The following CWF19L2 variants were observed in gnomAD, a reference collection of about 807,000 sequenced individuals.
The protein encoded by CWF19L2 is CWF19-like protein 2.
A neutral mutation model predicts 111.7 loss-of-function variants in CWF19L2; 98 were observed. That is an observed-to-expected ratio of 0.88 (90% CI 0.75 to 1.04). CWF19L2 has a LOEUF of 1.04. Among genes scored for constraint, CWF19L2 ranks in the 50% least tolerant of loss-of-function variants. The probability of loss-of-function intolerance (pLI) is 0.00; values close to 1 mark genes in which losing one functional copy is unlikely to be tolerated. For missense variants in CWF19L2, 1,101 were observed against 1,051.4 expected (o/e 1.05, Z -0.65); for synonymous variants, 351 against 342.9 (o/e 1.02, Z -0.26).
intron 14 of CWF19L2, among the ~76,000 whole-genome samples, chr11:107,341,688 A>G (rs1860007297): frequency 6.6e-6 from 1 of 152,182 alleles, no homozygotes; most frequent in South Asian, 2.1e-4. Flanking sequence ...TAAAAGTTTC[A>G]TAAAATTCTC....
At chr11:107,344,095 G>A (rs555124521) in intron 14 of CWF19L2, among the ~76,000 whole-genome samples, 96 of 152,136 alleles carry the variant, frequency 6.3e-4, no homozygotes, top group Non-Finnish European at 1.0e-3. Flanking sequence ...TGCCTGTAGT[G>A]CCAGCTACTC....
rs374576716 is a variant in CWF19L2 at position 107,328,320 on chromosome 11, T to C, written c.2542-1267A>G. Reference sequence around the variant, plus strand: ...TCAGCATCGGTCCAAATAAGCAATGTAGTTTAAGAAAGCCTAGCTTATAAA... The same window carrying C: ...TCAGCATCGGTCCAAATAAGCAATGCAGTTTAAGAAAGCCTAGCTTATAAA... On this transcript the variant is annotated intron_variant, in intron 17 of 17. Coordinates refer to ENST00000282251, the MANE Select transcript of CWF19L2 (RefSeq NM_152434.3). Among the ~76,000 whole-genome samples the C allele has an allele frequency of 2.1e-3, 319 of 152,268 alleles. 1 individual carries two copies. Among genetic ancestry groups the C allele is most frequent in the African/African-American group, 6.5e-3 (270 of 41,562 alleles).
At chr11:107,335,641 T>C (rs1055554162) in intron 15 of CWF19L2, among the ~76,000 whole-genome samples, 2 of 152,096 alleles carry the variant, frequency 1.3e-5, no homozygotes, top group African/African-American at 2.4e-5. Context: ...AGGGAGAAAA[T>C]ACATAGAAAT....
intron 12 of CWF19L2, among the ~76,000 whole-genome samples, chr11:107,379,971 G>T (rs941736463): frequency 2.2e-5 from 3 of 137,542 alleles, no homozygotes; most frequent in Non-Finnish European, 4.6e-5. Context: ...TGAGGCAGGA[G>T]AATGGCCTGA....
At chr11:107,453,032 A>G (rs1861800192) in intron 3 of CWF19L2, among the ~76,000 whole-genome samples, 1 of 152,174 alleles carries the variant, frequency 6.6e-6, no homozygotes, top group South Asian at 2.1e-4. Flanking sequence ...AGGAGAAATC[A>G]CAATCTTGAG....
At chr11:107,344,602 T>C (rs1591152856) in intron 14 of CWF19L2, among the ~76,000 whole-genome samples, 1 of 152,332 alleles carries the variant, frequency 6.6e-6, no homozygotes, top group Non-Finnish European at 1.5e-5. Context: ...CAAATTGTAC[T>C]TTCCTTACAG....
chr11:107,447,952 G>C (rs1229173486), intron 3 of CWF19L2, among the ~76,000 whole-genome samples: 1 of 151,882 alleles, frequency 6.6e-6, no homozygotes, highest in Non-Finnish European at 1.5e-5. Flanking sequence ...AAAAACATTA[G>C]AAAGATCCAA....
chr11:107,341,538 GT>G (rs1860004905), intron 14 of CWF19L2, among the ~76,000 whole-genome samples: 1 of 152,074 alleles, frequency 6.6e-6, no homozygotes, highest in Non-Finnish European at 1.5e-5. Flanking sequence ...AGGATATTGA[GT>G]TGTAGCTATT....
At chr11:107,444,395 G>A (rs979123825) in intron 3 of CWF19L2, among the ~76,000 whole-genome samples, 3 of 152,086 alleles carry the variant, frequency 2.0e-5, no homozygotes, top group Admixed American at 1.3e-4. Flanking sequence ...CAACTCTGTT[G>A]ATAACTCACT....
chr11:107,378,903 A>G (rs1342585251), intron 12 of CWF19L2, among the ~76,000 whole-genome samples: 1 of 152,216 alleles, frequency 6.6e-6, no homozygotes, highest in East Asian at 1.9e-4. Flanking sequence ...AGAGAAGTAG[A>G]TTGGGCATAG....
intron 14 of CWF19L2, among the ~76,000 whole-genome samples, chr11:107,341,545 CTATTT>C (rs1471547218): frequency 1.3e-5 from 2 of 152,070 alleles, no homozygotes; most frequent in Non-Finnish European, 2.9e-5. Flanking sequence ...TGAGTTGTAG[CTATTT>C]TATTTAACTG....
intron 8 of CWF19L2, among the ~76,000 whole-genome samples, chr11:107,422,553 T>C (rs1861317052): frequency 6.6e-6 from 1 of 152,054 alleles, no homozygotes; most frequent in Non-Finnish European, 1.5e-5. Context: ...TTTGTATATT[T>C]GCAGTTTATT....
intron 10 of CWF19L2, chr11:107,403,791 T>C: frequency 1.2e-6 from 1 of 869,230 alleles, no homozygotes; most frequent in Admixed American, 1.7e-5. Context: ...ACTTTCTCCA[T>C]ATCCACTTCT....
intron 8 of CWF19L2, among the ~76,000 whole-genome samples, chr11:107,428,070 T>C (rs1186932234): frequency 6.6e-6 from 1 of 152,166 alleles, no homozygotes; most frequent in Non-Finnish European, 1.5e-5. Flanking sequence ...ATTTTAATGA[T>C]CATTCACGTG....
At chr11:107,371,443 A>T (rs1324068469) in intron 12 of CWF19L2, among the ~76,000 whole-genome samples, 1 of 137,450 alleles carries the variant, frequency 7.3e-6, no homozygotes, top group African/African-American at 2.9e-5. Flanking sequence ...CTCCCATATG[A>T]CATTGACTTA....
At chr11:107,337,919 C>T (rs1859951729) in intron 14 of CWF19L2, among the ~76,000 whole-genome samples, 1 of 143,614 alleles carries the variant, frequency 7.0e-6, no homozygotes, top group African/African-American at 2.5e-5. Flanking sequence ...CCCATGTATG[C>T]TTTACTCAGT....
chr11:107,424,059 A>G (rs972371423), intron 8 of CWF19L2, among the ~76,000 whole-genome samples: 2 of 151,878 alleles, frequency 1.3e-5, no homozygotes, highest in Non-Finnish European at 2.9e-5. Flanking sequence ...CTCTCCATAT[A>G]TAGATCAAGG....
chr11:107,334,260 T>C (rs1198027682), intron 16 of CWF19L2, among the ~76,000 whole-genome samples: 1 of 152,200 alleles, frequency 6.6e-6, no homozygotes, highest in Non-Finnish European at 1.5e-5. Flanking sequence ...CTCTATTCCA[T>C]TCCATTTAAT....
intron 10 of CWF19L2, chr11:107,403,870 C>T: frequency 1.3e-6 from 1 of 795,868 alleles, no homozygotes; most frequent in Non-Finnish European, 2.2e-6. Flanking sequence ...ATTTCCTCTT[C>T]TCCTCCTGTA....
Sources: gnomAD v4.1 joint callset for allele counts (sites outside exome capture counted in the v4.1 genomes callset) on GRCh38, gnomAD v4.1.1 for gene constraint, MANE v1.5 for transcripts, NCBI Gene and HGNC (gene_info 2026-07-23, HGNC 2026-07-21) for gene names.